RFX4: variants seen among roughly 807,000 people sequenced by gnomAD.
RFX4 encodes the protein regulatory factor X4, also known as transcription factor RFX4.
Under a neutral mutation model 95.0 loss-of-function variants are expected in RFX4, and 10 were observed. That is an observed-to-expected ratio of 0.11 (90% CI 0.06 to 0.18). RFX4 has a LOEUF of 0.18. Ranked by LOEUF, RFX4 falls within the 10% of genes least tolerant of loss-of-function variation. The probability of loss-of-function intolerance (pLI) is 1.00; values close to 1 mark genes in which losing one functional copy is unlikely to be tolerated. For missense variants in RFX4, 640 were observed against 922.0 expected, an observed-to-expected ratio of 0.69 and a Z score of 3.96; for synonymous variants, 321 against 340.7, an observed-to-expected ratio of 0.94 and a Z score of 0.64.
At chr12:106,747,660 C>T (rs1453836031) in intron 16 of RFX4, 61 bp downstream of exon 16, 20 of 1,565,366 alleles carry the variant, frequency 1.3e-5, no homozygotes, top group Non-Finnish European at 1.7e-5. Context: ...AGGCTGGGCA[C>T]AGCAGCTCAC....
At chr12:106,681,717 C>T (rs1448752153) in intron 4 of RFX4, among the ~76,000 whole-genome samples, 1 of 152,146 alleles carries the variant, frequency 6.6e-6, no homozygotes, top group African/African-American at 2.4e-5. Context: ...GAGGCAGGTT[C>T]TGGACCAACC....
intron 15 of RFX4, among the ~76,000 whole-genome samples, chr12:106,746,847 C>T (rs1426416550): frequency 1.3e-5 from 2 of 152,194 alleles, no homozygotes; most frequent in Non-Finnish European, 2.9e-5. Flanking sequence ...CCAGGCTTTC[C>T]TTTTCCTTCT....
intron 17 of RFX4, among the ~76,000 whole-genome samples, chr12:106,756,144 C>T (rs11837590): frequency 6.2e-4 from 95 of 152,280 alleles, no homozygotes; most frequent in African/African-American, 2.2e-3. Context: ...GGTTTCACAG[C>T]GTGAGGTTTG....
At chr12:106,716,164 C>A (rs1044649308) in intron 11 of RFX4, among the ~76,000 whole-genome samples, 1 of 152,156 alleles carries the variant, frequency 6.6e-6, no homozygotes, top group African/African-American at 2.4e-5. Flanking sequence ...ATTGTTAGCA[C>A]ATCCCTGCTA....
At chr12:106,667,562 T>C (rs558423822) in intron 4 of RFX4, among the ~76,000 whole-genome samples, 1 of 152,298 alleles carries the variant, frequency 6.6e-6, no homozygotes, top group East Asian at 1.9e-4. Flanking sequence ...ACTCTCAGCC[T>C]TGTCTGCATT....
rs117494286 is a variant in RFX4 at position 106,750,073 on chromosome 12, C to T, written c.1797-582C>T. ...CTCAGGGCTAGATTTCATCCCTGAA[C>T]GCTGGCTGGGGGGTAAGGGAGGTAT... On this transcript the variant is annotated intron_variant, in intron 16 of 17. Coordinates refer to ENST00000392842, the MANE Select transcript of RFX4 (RefSeq NM_213594.3). Among the ~76,000 whole-genome samples, 708 of 152,198 alleles carry T rather than the reference C, an allele frequency of 4.7e-3. 15 individuals carry two copies. The highest frequency in any genetic ancestry group is 0.031 in the East Asian group (161 of 5,182).
At chr12:106,756,216 T>C (rs2043105444) in intron 17 of RFX4, among the ~76,000 whole-genome samples, 1 of 152,226 alleles carries the variant, frequency 6.6e-6, no homozygotes, top group South Asian at 2.1e-4. Context: ...AAGCTGCCTC[T>C]TTCCAGGTTC....
intron 3 of RFX4, among the ~76,000 whole-genome samples, chr12:106,649,555 T>C (rs2040820032): frequency 6.6e-6 from 1 of 152,164 alleles, no homozygotes; most frequent in East Asian, 1.9e-4. Context: ...CTTACACCCA[T>C]CTGATTTGAA....
chr12:106,651,991 C>T (rs970207680), intron 3 of RFX4, among the ~76,000 whole-genome samples: 10 of 152,156 alleles, frequency 6.6e-5, no homozygotes, highest in African/African-American at 2.4e-4. Flanking sequence ...TCTGAACTCA[C>T]TTTTATAGAG....
intron 3 of RFX4, among the ~76,000 whole-genome samples, chr12:106,651,859 T>C (rs1281554959): frequency 3.3e-5 from 5 of 152,134 alleles, no homozygotes; most frequent in Non-Finnish European, 5.9e-5. Flanking sequence ...TGTCCTGAAT[T>C]TTAAAAATTG....
intron 15 of RFX4, among the ~76,000 whole-genome samples, chr12:106,745,570 ACTC>A (rs956308872): frequency 2.6e-5 from 4 of 151,722 alleles, no homozygotes; most frequent in Admixed American, 2.6e-4. Context: ...TCCTCCCACT[ACTC>A]CATATCAATG....
chr12:106,689,516 T>A (rs1305890865), intron 7 of RFX4, 152 bp downstream of exon 7: 4 of 670,694 alleles, frequency 6.0e-6, no homozygotes, highest in Non-Finnish European at 1.1e-5. Context: ...TGAGATCCCA[T>A]GAAGCAGGTA....
intron 2 of RFX4, among the ~76,000 whole-genome samples, chr12:106,612,549 T>C (rs1831025579): frequency 1.3e-5 from 2 of 152,160 alleles, no homozygotes; most frequent in Admixed American, 1.3e-4. Flanking sequence ...ACATATAAGA[T>C]CATTTCGGCC....
chr12:106,679,463 A>C (rs1055413493), intron 4 of RFX4, among the ~76,000 whole-genome samples: 1 of 128,644 alleles, frequency 7.8e-6, no homozygotes, highest in Non-Finnish European at 1.7e-5. Context: ...TCAGAAAAAA[A>C]CAAAAAAAAA....
chr12:106,702,019 A>G (rs967425247), intron 8 of RFX4, among the ~76,000 whole-genome samples: 3 of 152,084 alleles, frequency 2.0e-5, no homozygotes, highest in Admixed American at 2.0e-4. Flanking sequence ...AATTATTATC[A>G]CATTTATTAT....
chr12:106,735,573 A>C (rs114082260), intron 15 of RFX4, among the ~76,000 whole-genome samples: 1,790 of 152,358 alleles, frequency 0.012, 41 homozygotes, highest in African/African-American at 0.041. Flanking sequence ...CAGACTTCTC[A>C]TTTGCAACAT....
chr12:106,653,893 A>C (rs560012691), intron 3 of RFX4, among the ~76,000 whole-genome samples: 2 of 152,304 alleles, frequency 1.3e-5, no homozygotes, highest in African/African-American at 4.8e-5. Flanking sequence ...TGGGGCACCC[A>C]CAAGACCCTA....
chr12:106,615,584 C>G (rs1010293127), intron 2 of RFX4, among the ~76,000 whole-genome samples: 1 of 152,176 alleles, frequency 6.6e-6, no homozygotes, highest in Non-Finnish European at 1.5e-5. Context: ...AACACCTTAA[C>G]AACATCAAAT....
intron 16 of RFX4, among the ~76,000 whole-genome samples, chr12:106,750,148 C>A (rs1011132931): frequency 9.9e-5 from 15 of 151,848 alleles, no homozygotes; most frequent in African/African-American, 3.6e-4. Flanking sequence ...TTTAAGTTAA[C>A]CATAACAAGG....
Sources: allele counts gnomAD v4.1 joint callset (sites outside exome capture counted in the v4.1 genomes callset), GRCh38; gene constraint gnomAD v4.1.1; transcripts MANE v1.5; gene names NCBI Gene and HGNC (gene_info 2026-07-23, HGNC 2026-07-21).